The following VWC2L variants were observed in gnomAD, a reference collection of about 807,000 sequenced individuals.
VWC2L encodes von Willebrand factor C domain-containing protein 2-like.
In VWC2L, 10 loss-of-function variants were observed where a neutral mutation model predicts 21.6. The observed-to-expected ratio is 0.46, with a 90% CI of 0.29 to 0.78. The LOEUF is 0.78. Among genes scored for constraint, VWC2L ranks in the 30% least tolerant of loss-of-function variants. The pLI is 0.10. For synonymous variants in VWC2L, 96 were observed against 94.3 expected (o/e 1.02, Z -0.10); for missense variants, 209 against 277.1 (o/e 0.75, Z 1.74).
At position 214,578,365 on chromosome 2, in the gene VWC2L, CTCTT is replaced by C. The variant is rs1423635908; in HGVS notation, c.*2546_*2549del. On this transcript the variant is annotated 3_prime_UTR_variant, in exon 4 of 4. Coordinates refer to ENST00000312504, the MANE Select transcript of VWC2L (RefSeq NM_001080500.4). ...TGAATGGGACATCCATTAAGGATCT[CTCTT>C]CAGAGAGTTTGCAGAAAGCAGGCTG... 2 of 152,208 alleles carry C rather than the reference CTCTT, an allele frequency of 1.3e-5. No homozygotes were observed. Among genetic ancestry groups the C allele is most frequent in the Non-Finnish European group, 1.5e-5 (1 of 68,034 alleles). 9.4% of individuals were successfully genotyped at this position (152,208 alleles called of 1,614,324 possible).
At chr2:214,569,981 G>GA (rs139845885) in intron 3 of VWC2L, among the ~76,000 whole-genome samples, 47,874 of 150,778 alleles carry the variant, frequency 0.32, 9,204 homozygotes, top group African/African-American at 0.56. Flanking sequence ...GGCTTACCAG[G>GA]AAAAAAAAAC....
intron 3 of VWC2L, among the ~76,000 whole-genome samples, chr2:214,538,316 A>G (rs1446514510): frequency 1.3e-5 from 2 of 152,046 alleles, no homozygotes; most frequent in African/African-American, 4.8e-5. Flanking sequence ...TACACACTAT[A>G]GGTGAGCACA....
chr2:214,532,856 C>T (rs1689461252), intron 3 of VWC2L, among the ~76,000 whole-genome samples: 1 of 151,968 alleles, frequency 6.6e-6, no homozygotes, highest in Admixed American at 6.6e-5. Flanking sequence ...CGGATAGGAA[C>T]AGCCAGAGGT....
intron 3 of VWC2L, among the ~76,000 whole-genome samples, chr2:214,513,746 C>A (rs181415108): frequency 2.6e-5 from 4 of 152,220 alleles, no homozygotes; most frequent in Admixed American, 2.6e-4. Context: ...TTGGGAAACA[C>A]AAGTTATAAA....
chr2:214,556,296 T>C (rs1483581994), intron 3 of VWC2L, among the ~76,000 whole-genome samples: 1 of 152,130 alleles, frequency 6.6e-6, no homozygotes, highest in Non-Finnish European at 1.5e-5. Flanking sequence ...AGGTTTATTC[T>C]GCAGCAATTT....
chr2:214,505,374 C>A (rs1442435468), intron 3 of VWC2L, among the ~76,000 whole-genome samples: 5 of 152,318 alleles, frequency 3.3e-5, no homozygotes, highest in Middle Eastern at 6.8e-3. Flanking sequence ...GAATACTCCC[C>A]TGTACTACTC....
At chr2:214,481,037 G>A (rs1489794857) in intron 3 of VWC2L, among the ~76,000 whole-genome samples, 1 of 152,080 alleles carries the variant, frequency 6.6e-6, no homozygotes, top group African/African-American at 2.4e-5. Flanking sequence ...GAAGACTGTA[G>A]GGGCAGAGAA....
At chr2:214,571,402 A>C (rs1394986467) in intron 3 of VWC2L, among the ~76,000 whole-genome samples, 2 of 152,204 alleles carry the variant, frequency 1.3e-5, no homozygotes, top group African/African-American at 4.8e-5. Context: ...GTAATAATTA[A>C]ACGAGACAAA....
intron 3 of VWC2L, among the ~76,000 whole-genome samples, chr2:214,520,056 T>TACACACACACACAC (rs1393314687): frequency 1.9e-4 from 6 of 32,238 alleles, no homozygotes; most frequent in Non-Finnish European, 2.9e-4. Context: ...TTGCTCCTGT[T>TACACACACACACAC]ATACACACAC....
chr2:214,537,014 C>A lies in VWC2L; in HGVS notation c.521-38658C>A, dbSNP rs143116948. On this transcript the variant is annotated intron_variant, in intron 3 of 3. Transcript: ENST00000312504. The stretch of plus-strand genomic sequence containing the variant: ...CACACACACACGCACACACACTTTA[C>A]AAAGCTAACTTCTATTCATCCTTTT... 7.4e-5 allele frequency: 11 copies of A among 148,346 alleles called. No homozygotes were observed. The Middle Eastern group carries it at 0.01, about 139-fold the overall frequency. The allele number at this position is 148,346 out of a possible 1,614,324, so 9.2% of individuals were successfully genotyped here.
intron 3 of VWC2L, among the ~76,000 whole-genome samples, chr2:214,464,252 T>C (rs1211435415): frequency 2.0e-5 from 3 of 152,158 alleles, no homozygotes; most frequent in Admixed American, 2.0e-4. Context: ...TGGGTATTTA[T>C]TGTAGTCTTC....
At position 214,546,351 on chromosome 2, in the gene VWC2L, A is replaced by G. The variant is rs1023997878; in HGVS notation, c.521-29321A>G. Reference sequence around the variant, plus strand: ...TTTCTTCCAGCCAAATGCTCCCTAGATCTTGTTTGCTGTCTCTTTTAGCTT... The same window carrying G: ...TTTCTTCCAGCCAAATGCTCCCTAGGTCTTGTTTGCTGTCTCTTTTAGCTT... On this transcript the variant is annotated intron_variant, in intron 3 of 3. Transcript: ENST00000312504. Among the ~76,000 whole-genome samples the G allele has an allele frequency of 6.7e-4, 102 of 152,006 alleles. 5 individuals carry two copies. The highest frequency in any genetic ancestry group is 1.0e-4 in the Non-Finnish European group (7 of 67,974).
At chr2:214,511,073 G>C (rs554437545) in intron 3 of VWC2L, among the ~76,000 whole-genome samples, 75 of 152,080 alleles carry the variant, frequency 4.9e-4, no homozygotes, top group South Asian at 1.7e-3. Flanking sequence ...GATCACTTGA[G>C]CTTAAGAGTC....
chr2:214,575,015 A>C (rs941999737), intron 3 of VWC2L, among the ~76,000 whole-genome samples: 1 of 146,250 alleles, frequency 6.8e-6, no homozygotes, highest in African/African-American at 2.6e-5. Flanking sequence ...TCAAAAGCCC[A>C]CTATTTTGGG....
chr2:214,535,936 C>G (rs1004315804), intron 3 of VWC2L, among the ~76,000 whole-genome samples: 2 of 152,034 alleles, frequency 1.3e-5, no homozygotes, highest in African/African-American at 4.8e-5. Flanking sequence ...AGTTTTCAGG[C>G]TTTCTATCCA....
At chr2:214,569,627 T>C (rs766876720) in intron 3 of VWC2L, among the ~76,000 whole-genome samples, 3 of 152,168 alleles carry the variant, frequency 2.0e-5, no homozygotes, top group Non-Finnish European at 4.4e-5. Context: ...TGTCCCAACT[T>C]GTCTTCCTGG....
At chr2:214,505,981 C>T (rs923602545) in intron 3 of VWC2L, among the ~76,000 whole-genome samples, 1 of 151,990 alleles carries the variant, frequency 6.6e-6, no homozygotes, top group African/African-American at 2.4e-5. Context: ...GAAGATGATT[C>T]GCTTATTTTC....
At chr2:214,438,831 A>C (rs1382660121) in intron 3 of VWC2L, among the ~76,000 whole-genome samples, 1 of 152,040 alleles carries the variant, frequency 6.6e-6, no homozygotes, top group East Asian at 1.9e-4. Context: ...TCAGTTAATT[A>C]ATTAGTAACC....
chr2:214,424,028 A>T (rs1357515792), intron 2 of VWC2L, among the ~76,000 whole-genome samples: 2 of 152,088 alleles, frequency 1.3e-5, no homozygotes, highest in Non-Finnish European at 2.9e-5. Context: ...AACAACAAAA[A>T]TCTCTAAACT....
Sources: allele counts gnomAD v4.1 joint callset (sites outside exome capture counted in the v4.1 genomes callset), GRCh38; gene constraint gnomAD v4.1.1; transcripts MANE v1.5; gene names NCBI Gene and HGNC (gene_info 2026-07-23, HGNC 2026-07-21).